TENM2: variants seen among roughly 807,000 people sequenced by gnomAD.
The protein encoded by TENM2 is teneurin-2.
TENM2 carries 52 observed loss-of-function variants against 245.2 expected under a neutral mutation model. That is an observed-to-expected ratio of 0.21 (90% CI 0.17 to 0.27). The LOEUF is 0.27. TENM2 is among the 10% of genes least tolerant of loss of function. TENM2 has a pLI of 1.00. For synonymous variants in TENM2, 1,363 were observed against 1,438.9 expected, an observed-to-expected ratio of 0.95 and a Z score of 1.19; for missense variants, 3,046 against 3,666.8, an observed-to-expected ratio of 0.83 and a Z score of 4.37.
At chr5:167,553,882 C>T (rs550391432) in intron 2 of TENM2, among the ~76,000 whole-genome samples, 2 of 152,286 alleles carry the variant, frequency 1.3e-5, no homozygotes, top group East Asian at 3.9e-4. Flanking sequence ...TAGAAGATCC[C>T]AGGTGGGCCA....
the TENM2 span, among the ~76,000 whole-genome samples, chr5:167,164,766 A>G: frequency 6.6e-6 from 1 of 152,164 alleles, no homozygotes; most frequent in Non-Finnish European, 1.5e-5. Context: ...ATAGATAGAT[A>G]TCTCGAATCT....
In TENM2 at chr5:167,629,215, A is replaced by G. The variant is rs115699484; in HGVS notation, c.503-246771A>G. ...TTTGACTTCTAGAAGAAAAAGAGAG[A>G]CCTAGGTTCAAATCCTGGTTTACTA... On this transcript the variant is annotated intron_variant, in intron 2 of 28. Coordinates refer to ENST00000518659, the Ensembl canonical transcript of TENM2. 8.2e-3 allele frequency among the ~76,000 whole-genome samples: 1,244 copies of G among 152,272 alleles called. 16 individuals are homozygous for G. The highest frequency in any genetic ancestry group is 0.028 in the African/African-American group (1,157 of 41,544).
intron 11 of TENM2, 54 bp from the exon 14 acceptor site, chr5:168,126,700 A>G: frequency 6.7e-7 from 1 of 1,492,706 alleles, no homozygotes; most frequent in Non-Finnish European, 9.1e-7. Flanking sequence ...TCTGGACTCC[A>G]TGGAAGGTTT....
the TENM2 span, among the ~76,000 whole-genome samples, chr5:167,219,169 T>C: frequency 6.6e-6 from 1 of 152,148 alleles, no homozygotes; most frequent in Non-Finnish European, 1.5e-5. Flanking sequence ...GCATAGAGGC[T>C]CATGCCTGTA....
At chr5:167,463,796 G>A (rs147748058) in intron 2 of TENM2, among the ~76,000 whole-genome samples, 1,558 of 152,218 alleles carry the variant, frequency 0.01, 16 homozygotes, top group Non-Finnish European at 0.015. Flanking sequence ...GCGCCCAGCC[G>A]AAGATATTTA....
chr5:166,990,540 G>T, the TENM2 span, among the ~76,000 whole-genome samples: 1 of 152,118 alleles, frequency 6.6e-6, no homozygotes, highest in Non-Finnish European at 1.5e-5. Context: ...ATTGAATATT[G>T]TCTCATTTAA....
intron 2 of TENM2, among the ~76,000 whole-genome samples, chr5:167,473,808 G>T (rs954876068): frequency 4.6e-5 from 7 of 152,018 alleles, no homozygotes; most frequent in Non-Finnish European, 7.4e-5. Flanking sequence ...CCTATCTTAT[G>T]GATTGATGTG....
At chr5:167,227,834 T>C in the TENM2 span, among the ~76,000 whole-genome samples, 1 of 152,220 alleles carries the variant, frequency 6.6e-6, no homozygotes, top group Non-Finnish European at 1.5e-5. Context: ...TACTATTTCA[T>C]TAAATAGGTT....
Position 168,218,899 on chromosome 5 carries a change from G to A in TENM2, c.5008G>A (p.Val1670Met), listed in dbSNP as rs200132425. ...GGGCACCAATGGAGGCCTCAAAGTC[G>A]TGTCCACACAGAACCTGGAGCTTGG... is the stretch of plus-strand genomic sequence containing the variant. The change falls in exon 23 of 29, where the codon GTG becomes ATG. Residue 1670 changes from valine to methionine, a missense_variant. Transcript: ENST00000518659. This position sits in a 1 kb window ranked among gnomAD's most constrained non-coding sequence, Gnocchi z 5.2. 157 of 1,613,992 alleles carry A rather than the reference G, an allele frequency of 9.7e-5. No individual in the cohort carries two copies. Among genetic ancestry groups the A allele is most frequent in the Middle Eastern group, 8.2e-4 (5 of 6,062 alleles).
chr5:167,582,063 A>G (rs1291252989), intron 2 of TENM2, among the ~76,000 whole-genome samples: 3 of 152,156 alleles, frequency 2.0e-5, no homozygotes, highest in Non-Finnish European at 2.9e-5. Context: ...CTCATATAAT[A>G]TAATCTTGTC....
intron 2 of TENM2, among the ~76,000 whole-genome samples, chr5:167,421,714 A>G (rs946766866): frequency 1.3e-5 from 2 of 152,214 alleles, no homozygotes; most frequent in Admixed American, 6.5e-5. Context: ...AACATCTACT[A>G]CATAAGATTC....
chr5:167,447,430 T>C (rs1400054672), intron 2 of TENM2, among the ~76,000 whole-genome samples: 6 of 152,238 alleles, frequency 3.9e-5, no homozygotes, highest in Admixed American at 6.5e-5. Flanking sequence ...GACCTGGGTT[T>C]TGTTCGTTTG....
chr5:167,921,278 G>T (rs559561996), intron 3 of TENM2, among the ~76,000 whole-genome samples: 5 of 152,140 alleles, frequency 3.3e-5, no homozygotes, highest in African/African-American at 7.2e-5. Flanking sequence ...GATTTCACTC[G>T]CTGTGTACAG....
At chr5:167,706,085 T>C (rs1274218388) in intron 2 of TENM2, among the ~76,000 whole-genome samples, 1 of 145,750 alleles carries the variant, frequency 6.9e-6, no homozygotes, top group East Asian at 1.9e-4. Flanking sequence ...ACAGTGTGTG[T>C]ATATATATAA....
intron 2 of TENM2, among the ~76,000 whole-genome samples, chr5:167,863,588 G>C (rs534046749): frequency 1.3e-5 from 2 of 152,296 alleles, no homozygotes; most frequent in Admixed American, 6.5e-5. Flanking sequence ...AGGTTGCAGT[G>C]AGCTGAGATT....
chr5:167,300,590 T>C (rs1483292639), intron 1 of TENM2, among the ~76,000 whole-genome samples: 1 of 151,956 alleles, frequency 6.6e-6, no homozygotes, highest in Non-Finnish European at 1.5e-5. Context: ...AACAGGCGAG[T>C]GATAACAGGC....
At chr5:168,036,493 G>A (rs1460778623) in intron 5 of TENM2, among the ~76,000 whole-genome samples, 2 of 151,650 alleles carry the variant, frequency 1.3e-5, no homozygotes, top group African/African-American at 2.4e-5. Flanking sequence ...AAAATTAGCT[G>A]GGCATGGTGG....
At chr5:167,368,590 G>T (rs1419752292) in intron 1 of TENM2, among the ~76,000 whole-genome samples, 2 of 152,006 alleles carry the variant, frequency 1.3e-5, no homozygotes, top group African/African-American at 4.8e-5. Context: ...TGAAACCCTG[G>T]ATCGTATTTA....
intron 7 of TENM2, among the ~76,000 whole-genome samples, chr5:168,063,587 A>G (rs1003388131): frequency 6.6e-6 from 1 of 152,216 alleles, no homozygotes; most frequent in African/African-American, 2.4e-5. Context: ...CAATTCATCT[A>G]GAAAATTCAA....
Sources: gnomAD v4.1 joint callset for allele counts (sites outside exome capture counted in the v4.1 genomes callset) on GRCh38, gnomAD v4.1.1 for gene constraint, Gnocchi (gnomAD v3.1) non-coding constraint, MANE v1.5 for transcripts, NCBI Gene and HGNC (gene_info 2026-07-23, HGNC 2026-07-21) for gene names.